The following SNAP25 variants were observed in gnomAD, a reference collection of about 807,000 sequenced individuals.
The protein encoded by SNAP25 is synaptosome associated protein 25.
Under a neutral mutation model 28.7 loss-of-function variants are expected in SNAP25, and 3 were observed. That is an observed-to-expected ratio of 0.10 (90% confidence interval 0.05 to 0.27). SNAP25 has a LOEUF of 0.27. SNAP25 is among the 10% of genes least tolerant of loss of function. SNAP25 has a pLI of 1.00. For synonymous variants in SNAP25, 61 were observed against 88.1 expected (o/e 0.69, Z 1.72); for missense variants, 117 against 278.7 (o/e 0.42, Z 4.13).
rs2064383233 is a variant in SNAP25, at chr20:10,307,262, A to G, written c.*1065A>G. 6.6e-6 allele frequency: 1 copy of G among 152,660 alleles called. No individual in the cohort carries two copies. Among genetic ancestry groups the G allele is most frequent in the African/African-American group, 2.4e-5 (1 of 41,454 alleles). The allele number at this position is 152,660 out of a possible 1,614,324, so 9.5% of individuals were successfully genotyped here. ...TGAGATGTTTAGTAGCTGATAAAGA[A>G]ACCTTTTAAAAAAATAATATAAATG... is the stretch of plus-strand genomic sequence containing the variant. On this transcript the variant is annotated 3_prime_UTR_variant, in exon 8 of 8. Coordinates refer to ENST00000254976, the MANE Select transcript of SNAP25 (RefSeq NM_130811.4).
At chr20:10,245,889 A>G (rs970663047) in intron 1 of SNAP25, among the ~76,000 whole-genome samples, 2 of 152,196 alleles carry the variant, frequency 1.3e-5, no homozygotes, top group Non-Finnish European at 2.9e-5. Flanking sequence ...ACCATATAAA[A>G]TTATCTTTCT....
At chr20:10,272,670 T>C (rs1387258341) in intron 1 of SNAP25, among the ~76,000 whole-genome samples, 4 of 152,180 alleles carry the variant, frequency 2.6e-5, no homozygotes, top group Non-Finnish European at 5.9e-5. Context: ...GAGCACATGT[T>C]CTAGTGGCCA....
At chr20:10,300,874 G>A (rs1299917463) in intron 7 of SNAP25, among the ~76,000 whole-genome samples, 1 of 152,090 alleles carries the variant, frequency 6.6e-6, no homozygotes, top group Non-Finnish European at 1.5e-5. Flanking sequence ...GAATAATAAT[G>A]AGAGTTTCAA....
Position 10,306,292 on chromosome 20 carries a change from C to A in SNAP25, c.*95C>A. 2 of 1,081,470 alleles carry A rather than the reference C, an allele frequency of 1.8e-6. No individual in the cohort carries two copies. Among genetic ancestry groups the A allele is most frequent in the Non-Finnish European group, 2.8e-6 (2 of 710,774 alleles). 67.0% of individuals were successfully genotyped at this position (1,081,470 alleles called of 1,614,324 possible). On this transcript the variant is annotated 3_prime_UTR_variant, in exon 8 of 8. Transcript: ENST00000254976. ...TTATCTAGTAGGTCTGCACACATAA[C>A]ACACATCAGTCCACCCCCATTGTGA...
chr20:10,245,849 GCTTTGTCCTTTC>G (rs762512948), intron 1 of SNAP25, among the ~76,000 whole-genome samples: 5 of 152,172 alleles, frequency 3.3e-5, no homozygotes, highest in African/African-American at 4.8e-5. Context: ...TAAATCATAA[GCTTTGTCCTTTC>G]CTTTGTCCCA....
rs747057791 is a variant in SNAP25, at chr20:10,277,668, TG to T, written c.73-16del. 6 of 1,611,574 alleles carry T rather than the reference TG, an allele frequency of 3.7e-6. No individual in the cohort carries two copies. The African/African-American group carries it at 4.0e-5, about 11-fold the overall frequency. On this transcript the variant is annotated splice_polypyrimidine_tract_variant and intron_variant, in intron 2 of 7. Transcript: ENST00000254976. ...TGCACTCATAAAGTTTATGTTTGTT[TG>T]TTTTTTAAATCTTAGTCGCTGGAAA... is the stretch of plus-strand genomic sequence containing the variant.
At chr20:10,301,131 T>G (rs2064226003) in intron 7 of SNAP25, among the ~76,000 whole-genome samples, 1 of 152,208 alleles carries the variant, frequency 6.6e-6, no homozygotes, top group Non-Finnish European at 1.5e-5. Flanking sequence ...AGTTGAACTT[T>G]AAGCAAGAAA....
chr20:10,276,896 C>T (rs1242949246), intron 2 of SNAP25, among the ~76,000 whole-genome samples: 1 of 152,206 alleles, frequency 6.6e-6, no homozygotes, highest in Non-Finnish European at 1.5e-5. Flanking sequence ...CTGCTTGCAG[C>T]CATTCTATTT....
intron 1 of SNAP25, among the ~76,000 whole-genome samples, chr20:10,264,499 T>C (rs948009221): frequency 1.1e-4 from 16 of 152,180 alleles, no homozygotes; most frequent in Admixed American, 3.9e-4. Flanking sequence ...TTCAGCCAAA[T>C]TCTCCTATAA....
At chr20:10,232,601 C>A (rs907434035) in intron 1 of SNAP25, among the ~76,000 whole-genome samples, 2 of 152,184 alleles carry the variant, frequency 1.3e-5, no homozygotes, top group African/African-American at 2.4e-5. Flanking sequence ...ATTCCCTCCA[C>A]GTTACAATTC....
chr20:10,238,905 A>AAATAATAATAAT lies in SNAP25; in HGVS notation c.-64+19942_-64+19953dup, dbSNP rs199598399. On this transcript the variant is annotated intron_variant, in intron 1 of 7. Transcript: ENST00000254976. ...GGGCGACAGAGCAAGACTCCGTTTC[A>AAATAATAATAAT]AATAATAATAATAATAATAATAATA... Among the ~76,000 whole-genome samples the AAATAATAATAAT allele has an allele frequency of 5.8e-3, 861 of 149,392 alleles. 10 individuals carry two copies. Among genetic ancestry groups the AAATAATAATAAT allele is most frequent in the African/African-American group, 0.018 (734 of 39,692 alleles).
intron 1 of SNAP25, among the ~76,000 whole-genome samples, chr20:10,234,998 G>A (rs1007390748): frequency 6.6e-6 from 1 of 152,194 alleles, no homozygotes; most frequent in African/African-American, 2.4e-5. Context: ...AGAATTCAAG[G>A]GTTCAGCGGC....
chr20:10,277,815 T>A, intron 3 of SNAP25, 89 bp downstream of exon 3: 3 of 1,219,650 alleles, frequency 2.5e-6, no homozygotes, highest in Non-Finnish European at 3.6e-6. Flanking sequence ...CCTTGGGCCA[T>A]GATCCCCTAG....
chr20:10,231,805 G>A (rs1174237828), intron 1 of SNAP25, among the ~76,000 whole-genome samples: 4 of 152,130 alleles, frequency 2.6e-5, no homozygotes, highest in African/African-American at 7.2e-5. Context: ...TCAGATTTGG[G>A]ATGCTCAACT....
chr20:10,288,013 G>T (rs1212958759), intron 4 of SNAP25, among the ~76,000 whole-genome samples: 4 of 151,692 alleles, frequency 2.6e-5, no homozygotes, highest in Admixed American at 2.6e-4. Context: ...CTCTTGTGGG[G>T]TGGGGGGAGA....
chr20:10,293,046 C>CTTT lies in SNAP25; in HGVS notation c.164-104_164-102dup. On this transcript the variant is annotated intron_variant, in intron 4 of 7. Transcript: ENST00000254976. This position sits in a 1 kb window ranked among gnomAD's most constrained non-coding sequence, Gnocchi z 5.6. ...TAATCTGTGGCGTCCAGTTTTCTTTCTTTTTTTTTTTTTCTTTTTTAATGT... is the reference window on the plus strand; with the variant it reads ...TAATCTGTGGCGTCCAGTTTTCTTTCTTTTTTTTTTTTTTTTCTTTTTTAATGT... 24 of 1,119,882 alleles carry CTTT rather than the reference C, an allele frequency of 2.1e-5. No individual in the cohort carries two copies. Among genetic ancestry groups the CTTT allele is most frequent in the South Asian group, 5.1e-5 (3 of 59,208 alleles). 69.4% of individuals were successfully genotyped at this position (1,119,882 alleles called of 1,614,324 possible). A position where few individuals can be genotyped will look rare whatever the true frequency, so the allele number is the denominator to read the frequency against.
intron 1 of SNAP25, among the ~76,000 whole-genome samples, chr20:10,227,234 A>G (rs1233019034): frequency 6.6e-6 from 1 of 152,136 alleles, no homozygotes; most frequent in African/African-American, 2.4e-5. Flanking sequence ...CCCTTGTAAG[A>G]TTGATCACAC....
At chr20:10,272,303 C>G (rs1187554315) in intron 1 of SNAP25, among the ~76,000 whole-genome samples, 1 of 152,186 alleles carries the variant, frequency 6.6e-6, no homozygotes, top group East Asian at 1.9e-4. Context: ...GTTGAGAAAA[C>G]TAAAGCTCAG....
chr20:10,221,918 G>A (rs1329699810), intron 1 of SNAP25, among the ~76,000 whole-genome samples: 2 of 152,138 alleles, frequency 1.3e-5, no homozygotes, highest in African/African-American at 2.4e-5. Context: ...GAGACATGAA[G>A]GAGAAAAATA....
Sources: allele counts gnomAD v4.1 joint callset (sites outside exome capture counted in the v4.1 genomes callset), GRCh38; gene constraint gnomAD v4.1.1; non-coding constraint Gnocchi (gnomAD v3.1); transcripts MANE v1.5; gene names NCBI Gene and HGNC (gene_info 2026-07-23, HGNC 2026-07-21).